Variants in ACOX3 observed in about 807,000 individuals in gnomAD.
ACOX3 encodes acyl-CoA oxidase 3, pristanoyl.
A neutral mutation model predicts 81.5 loss-of-function variants in ACOX3; 73 were observed. That is an observed-to-expected ratio of 0.90 (90% confidence interval 0.74 to 1.09). ACOX3 has a LOEUF of 1.09. Ranked by LOEUF, ACOX3 falls within the 50% of genes least tolerant of loss-of-function variation. The pLI is 0.00. For synonymous variants in ACOX3, 387 were observed against 375.1 expected, an observed-to-expected ratio of 1.03 and a Z score of -0.37; for missense variants, 947 against 928.0, an observed-to-expected ratio of 1.02 and a Z score of -0.27.
In ACOX3 at chr4:8,431,658, C is replaced by T. The variant is rs1048658366; in HGVS notation, c.-15+8990G>A. Among the ~76,000 whole-genome samples the T allele has an allele frequency of 5.3e-5, 8 of 152,342 alleles. No individual in the cohort carries two copies. The highest frequency in any genetic ancestry group is 4.1e-4 in the South Asian group (2 of 4,830). ...CTGGGTGAAACCACCAGGAGCTGCA[C>T]GTGGACCCCTAGTGTGAACAGTAGG... On this transcript the variant is annotated intron_variant, in intron 1 of 17. Transcript: ENST00000356406. This position sits in a 1 kb window ranked among gnomAD's most constrained non-coding sequence, Gnocchi z 5.3.
intron 1 of ACOX3, among the ~76,000 whole-genome samples, chr4:8,420,886 G>A (rs1245546725): frequency 6.6e-6 from 1 of 152,200 alleles, no homozygotes; most frequent in Non-Finnish European, 1.5e-5. Flanking sequence ...CATTGTTCCT[G>A]CATGGCTAAG....
the ACOX3 span, among the ~76,000 whole-genome samples, chr4:8,360,669 T>A: frequency 6.6e-6 from 1 of 152,190 alleles, no homozygotes; most frequent in South Asian, 2.1e-4. Flanking sequence ...ATACAGGGTT[T>A]CACTGTGTTA....
intron 7 of ACOX3, among the ~76,000 whole-genome samples, chr4:8,402,215 G>A (rs990611483): frequency 6.6e-6 from 1 of 152,226 alleles, no homozygotes; most frequent in African/African-American, 2.4e-5. Context: ...GGACGGGGCT[G>A]GAGCTCCTTA....
rs1189107062 is a variant in ACOX3 at position 8,366,981 on chromosome 4, T to A, written c.2083A>T (p.Ser695Cys). The change falls in exon 18 of 18, where the codon AGT (serine) becomes TGT (cysteine). Residue 695 changes from serine (S) to cysteine (C), a missense_variant. Physicochemically the swap from Ser to Cys is moderately radical, Grantham distance 112. Coordinates refer to ENST00000356406, the MANE Select transcript of ACOX3 (RefSeq NM_003501.3). ...EFSVNKPVIG[S>C]LKSKL ...TCCCACTAGAGCTTCGATTTCAGAC[T>A]TCCTATGACAGGTTTGTTCACAGAA... 6.2e-7 allele frequency: 1 copy of A among 1,614,080 alleles called. No homozygotes were observed. Among genetic ancestry groups the A allele is most frequent in the Non-Finnish European group, 8.5e-7 (1 of 1,179,974 alleles).
At chr4:8,375,381 G>A (rs1441524116) in intron 14 of ACOX3, among the ~76,000 whole-genome samples, 1 of 152,224 alleles carries the variant, frequency 6.6e-6, no homozygotes, top group Non-Finnish European at 1.5e-5. Flanking sequence ...TGGCTCCACC[G>A]ACGCCCTCCA....
In ACOX3 at chr4:8,406,069, A is replaced by C; in HGVS notation, c.688-26T>G. 6.2e-7 allele frequency: 1 copy of C among 1,601,854 alleles called. No individual in the cohort carries two copies. Among genetic ancestry groups the C allele is most frequent in the Non-Finnish European group, 8.6e-7 (1 of 1,169,124 alleles). On this transcript the variant is annotated intron_variant, in intron 6 of 17. Transcript: ENST00000356406. The surrounding 1 kb of genome is among the most constrained non-coding windows in gnomAD (Gnocchi z 5.6). ...CTATACAAAGCCACAGAAAGCAGCA[A>C]ACAGCAACTGTTACAATCACACAAA...
rs773204173 is a variant in ACOX3, at chr4:8,390,102, C to CAAAAA, written c.1301-369_1301-368insTTTTT. On this transcript the variant is annotated intron_variant, in intron 11 of 17. Coordinates refer to ENST00000356406, the MANE Select transcript of ACOX3 (RefSeq NM_003501.3). ...CGGGTGACAGAGCAAGACCCTGTCT[C>CAAAAA]AACAACAACAACAACAAAAAAAGCC... 7.1e-5 allele frequency among the ~76,000 whole-genome samples: 6 copies of CAAAAA among 84,160 alleles called. 1 individual carries two copies. The highest frequency in any genetic ancestry group is 3.9e-4 in the African/African-American group (6 of 15,478). The allele number at this position is 84,160 out of a possible 152,430, so 55.2% of individuals were successfully genotyped here. A position where few individuals can be genotyped will look rare whatever the true frequency, so the allele number is the denominator to read the frequency against.
intron 5 of ACOX3, among the ~76,000 whole-genome samples, chr4:8,413,628 C>T (rs527535309): frequency 3.3e-5 from 5 of 150,520 alleles, no homozygotes; most frequent in African/African-American, 1.2e-4. Flanking sequence ...TGGCCCATCT[C>T]CCTCCACCCC....
At chr4:8,388,250 T>C (rs1578893439) in intron 13 of ACOX3, among the ~76,000 whole-genome samples, 1 of 152,352 alleles carries the variant, frequency 6.6e-6, no homozygotes, top group East Asian at 1.9e-4. Flanking sequence ...GATCACTGCT[T>C]TGCAGAATTC....
rs142830697 is a variant in ACOX3 at position 8,399,582 on chromosome 4, C to T, written c.847G>A (p.Glu283Lys). The change falls in exon 8 of 18, where the codon GAG becomes AAG. Residue 283 changes from glutamate (E) to lysine (K), a missense_variant. Physicochemically the swap from Glu to Lys is moderately conservative, Grantham distance 56. Transcript: ENST00000356406. The surrounding 1 kb of genome is among the most constrained non-coding windows in gnomAD (Gnocchi z 4.9). ...LLNRMGDVTP[E>K]GTYVSPFKDV... Reference sequence around the variant, plus strand: ...TTAAAGGGGCTGACATAGGTGCCCTCGGGGGTGACGTCTCCCATCCGGTTC... The same window carrying T: ...TTAAAGGGGCTGACATAGGTGCCCTTGGGGGTGACGTCTCCCATCCGGTTC... 2.7e-5 allele frequency: 43 copies of T among 1,613,960 alleles called. No individual in the cohort carries two copies. In the African/African-American group the frequency reaches 3.5e-4, roughly 13 times the overall value.
downstream of ACOX3, among the ~76,000 whole-genome samples, chr4:8,364,380 G>C (rs902490115): frequency 2.6e-5 from 4 of 152,244 alleles, no homozygotes; most frequent in Non-Finnish European, 5.9e-5. The surrounding 1 kb of genome is among the most constrained non-coding windows in gnomAD (Gnocchi z 5.0). Flanking sequence ...TGCCAGTAAA[G>C]TGTGCCAGCT....
At chr4:8,421,880 A>G (rs532897731) in intron 1 of ACOX3, among the ~76,000 whole-genome samples, 18 of 152,202 alleles carry the variant, frequency 1.2e-4, no homozygotes, top group South Asian at 2.1e-4. Flanking sequence ...TCCTCCCCCA[A>G]TTTCTACCCA....
Position 8,405,932 on chromosome 4 carries a change from G to A in ACOX3, c.776+23C>T. On this transcript the variant is annotated intron_variant, in intron 7 of 17. Transcript: ENST00000356406. This position sits in a 1 kb window ranked among gnomAD's most constrained non-coding sequence, Gnocchi z 7.1. ...CCTGGGCCTTGGCAGGAAGCTCAGG[G>A]CTCAGCAGCCTCTGTCACTCACCCA... is the stretch of plus-strand genomic sequence containing the variant. 1.2e-6 allele frequency: 2 copies of A among 1,610,350 alleles called. No individual in the cohort carries two copies. Among genetic ancestry groups the A allele is most frequent in the Non-Finnish European group, 1.7e-6 (2 of 1,176,662 alleles).
chr4:8,426,870 A>G (rs1723541657), intron 1 of ACOX3, among the ~76,000 whole-genome samples: 1 of 152,164 alleles, frequency 6.6e-6, no homozygotes, highest in Non-Finnish European at 1.5e-5. Context: ...CTGCTAGCCC[A>G]TGCTCCGATG....
chr4:8,374,225 A>AGAACTGT (rs1350239414), intron 15 of ACOX3: 4 of 154,968 alleles, frequency 2.6e-5, no homozygotes, highest in African/African-American at 9.6e-5. Context: ...TCCGCTGGAG[A>AGAACTGT]GAACTGTGTC....
chr4:8,432,504 A>G lies in ACOX3; in HGVS notation c.-15+8144T>C, dbSNP rs1724014480. ...CACCTCGGCCTCCCAATGTGCTGGG[A>G]TTACAGGCGTGAGCCACCGCGCCCG... On this transcript the variant is annotated intron_variant, in intron 1 of 17. Coordinates refer to ENST00000356406, the MANE Select transcript of ACOX3 (RefSeq NM_003501.3). The surrounding 1 kb of genome is among the most constrained non-coding windows in gnomAD (Gnocchi z 6.2). Among the ~76,000 whole-genome samples, 1 of 152,090 alleles carries G rather than the reference A, an allele frequency of 6.6e-6. No individual in the cohort carries two copies.
At position 8,416,564 on chromosome 4, in the gene ACOX3, G is replaced by A. The variant is rs774041135; in HGVS notation, c.-14-29C>T. The A allele has an allele frequency of 6.5e-7, 1 of 1,544,460 alleles. No individual in the cohort carries two copies. The highest frequency in any genetic ancestry group is 1.9e-5 in the Admixed American group (1 of 51,646). ...CACAAAACATGCAACCTGAATCCAT[G>A]CTCTCCCATCTATGGGTTCAAACTA... is the stretch of plus-strand genomic sequence containing the variant. On this transcript the variant is annotated intron_variant, in intron 1 of 17. Transcript: ENST00000356406. The surrounding 1 kb of genome is among the most constrained non-coding windows in gnomAD (Gnocchi z 4.2).
At chr4:8,408,899 G>C (rs1721352540) in intron 6 of ACOX3, among the ~76,000 whole-genome samples, 4 of 55,606 alleles carry the variant, frequency 7.2e-5, no homozygotes, top group South Asian at 7.1e-4. Context: ...ACTGGGGGGG[G>C]GGGGTGGGGG....
Position 8,386,410 on chromosome 4 carries a change from C to T in ACOX3, c.1537+2763G>A, listed in dbSNP as rs1431065554. Among the ~76,000 whole-genome samples the T allele has an allele frequency of 6.6e-6, 1 of 151,710 alleles. No homozygotes were observed. The highest frequency in any genetic ancestry group is 2.4e-5 in the African/African-American group (1 of 41,324). ...TGAAACTCCGTCTCTACTAAAAATA[C>T]AAAAAATTAGCCGGGTGTGGTTGTG... On this transcript the variant is annotated intron_variant, in intron 13 of 17. Transcript: ENST00000356406. The surrounding 1 kb of genome is among the most constrained non-coding windows in gnomAD (Gnocchi z 5.2).
Sources: allele counts gnomAD v4.1 joint callset (sites outside exome capture counted in the v4.1 genomes callset), GRCh38; gene constraint gnomAD v4.1.1; non-coding constraint Gnocchi (gnomAD v3.1); transcripts MANE v1.5; gene names NCBI Gene and HGNC (gene_info 2026-07-23, HGNC 2026-07-21).